MTM1: variants seen among roughly 807,000 people sequenced by gnomAD.
The protein encoded by MTM1 is myotubularin.
Under a neutral mutation model 52.1 loss-of-function variants are expected in MTM1, and 9 were observed. That is an observed-to-expected ratio of 0.17 (90% confidence interval 0.10 to 0.30). The LOEUF (loss-of-function observed/expected upper bound fraction) is 0.30, where lower values mean the gene tolerates loss of function less well. Among genes scored for constraint, MTM1 ranks in the 10% least tolerant of loss-of-function variants. The probability of loss-of-function intolerance (pLI) is 1.00; values close to 1 mark genes in which losing one functional copy is unlikely to be tolerated. For missense variants in MTM1, 277 were observed against 470.7 expected (o/e 0.59, Z 3.81); for synonymous variants, 136 against 163.8 (o/e 0.83, Z 1.29).
chrX:150,587,016 CT>C (rs1253421531), intron 1 of MTM1, among the ~76,000 whole-genome samples: 1 of 110,443 alleles, frequency 9.1e-6, no homozygotes, highest in African/African-American at 3.3e-5. Flanking sequence ...TTACCTGTTC[CT>C]CATGACAGCA....
chrX:150,623,041 C>T, intron 6 of MTM1, among the ~76,000 whole-genome samples: 1 of 111,664 alleles, frequency 9.0e-6, no homozygotes, highest in Non-Finnish European at 1.9e-5. Context: ...TGTACAAAAC[C>T]TTACCTAAAA....
chrX:150,629,259 C>T (rs1176460337), intron 6 of MTM1, among the ~76,000 whole-genome samples: 1 of 111,467 alleles, frequency 9.0e-6, no homozygotes, highest in Non-Finnish European at 1.9e-5. Context: ...AGATGTTCGC[C>T]AGTGGCCATA....
Position 150,649,761 on chromosome X carries a change from G to A in MTM1, c.913G>A (p.Glu305Lys), listed in dbSNP as rs587783861. ...AAGTGATGATGCATATCATAACGCCGAACTTTTCTTCTTAGACATTCATAA... is the reference window on the plus strand; with the variant it reads ...AAGTGATGATGCATATCATAACGCCAAACTTTTCTTCTTAGACATTCATAA... The part of the protein sequence containing the change: ...YESDDAYHNA[E>K]LFFLDIHNIH... The change falls in exon 10 of 15, where the codon GAA becomes AAA. Residue 305 changes from glutamate (E) to lysine (K), a missense_variant. Transcript: ENST00000370396. 9 of 1,210,133 alleles carry A rather than the reference G, an allele frequency of 7.4e-6. No individual in the cohort carries two copies. In the Admixed American group the frequency reaches 8.7e-5, roughly 12 times the overall value.
chrX:150,658,684 C>G (rs1557414553), intron 11 of MTM1, among the ~76,000 whole-genome samples: 1 of 111,323 alleles, frequency 9.0e-6, no homozygotes, highest in Admixed American at 9.6e-5. Flanking sequence ...TCCAGATGCC[C>G]TCTGAATATA....
chrX:150,574,466 C>T (rs1363224185), intron 1 of MTM1, among the ~76,000 whole-genome samples: 9 of 111,748 alleles, frequency 8.1e-5, no homozygotes, highest in Non-Finnish European at 1.3e-4. Context: ...AGCTCATATC[C>T]TGGCTTCCCA....
intron 14 of MTM1, among the ~76,000 whole-genome samples, chrX:150,668,772 G>A (rs1183194816): frequency 9.0e-6 from 1 of 111,581 alleles, no homozygotes; most frequent in East Asian, 2.8e-4. Flanking sequence ...TCAGTGCATT[G>A]TCTTCACAGC....
At chrX:150,610,950 C>T (rs2039264853) in intron 4 of MTM1, among the ~76,000 whole-genome samples, 1 of 112,346 alleles carries the variant, frequency 8.9e-6, no homozygotes, top group Admixed American at 9.4e-5. Context: ...ATACAGTTCA[C>T]AGACACTCAA....
Position 150,592,601 on chromosome X carries a change from G to T in MTM1, c.-10-4G>T, listed in dbSNP as rs782092963. The T allele has an allele frequency of 8.4e-5, 99 of 1,181,796 alleles. No individual in the cohort carries two copies. In the South Asian group the frequency reaches 1.7e-3, roughly 20 times the overall value. On this transcript the variant is annotated splice_region_variant and splice_polypyrimidine_tract_variant and intron_variant, in intron 1 of 14. Transcript: ENST00000370396. ...TTGATATTGAATGTTGTGTTTCTTG[G>T]TAGAGTTTCCAGGATGGCTTCTGCA...
intron 9 of MTM1, among the ~76,000 whole-genome samples, chrX:150,648,697 C>T (rs782381606): frequency 8.9e-6 from 1 of 112,860 alleles, no homozygotes; most frequent in Non-Finnish European, 1.9e-5. Context: ...CACTCTTCAC[C>T]ATGCTGTGAA....
At chrX:150,615,834 C>T (rs782659517) in intron 5 of MTM1, among the ~76,000 whole-genome samples, 2 of 112,065 alleles carry the variant, frequency 1.8e-5, no homozygotes, top group Admixed American at 9.5e-5. Flanking sequence ...TCACCACTAC[C>T]ATCCACCTCA....
intron 1 of MTM1, among the ~76,000 whole-genome samples, chrX:150,576,891 G>A (rs782005386): frequency 1.3e-4 from 15 of 111,846 alleles, no homozygotes; most frequent in Non-Finnish European, 2.8e-4. Context: ...ATTTAGTTGT[G>A]ATATTTTCTA....
At chrX:150,633,303 G>A (rs1397673452) in intron 6 of MTM1, among the ~76,000 whole-genome samples, 1 of 111,913 alleles carries the variant, frequency 8.9e-6, no homozygotes, top group Non-Finnish European at 1.9e-5. Flanking sequence ...AACTGTTTAT[G>A]CAAACAGAAG....
chrX:150,617,880 T>C (rs782398998), intron 5 of MTM1, among the ~76,000 whole-genome samples: 2 of 112,009 alleles, frequency 1.8e-5, no homozygotes, highest in South Asian at 3.7e-4. Flanking sequence ...CTGCAGAGCA[T>C]AGGGTTCCAA....
intron 4 of MTM1, among the ~76,000 whole-genome samples, chrX:150,614,126 T>C (rs782680384): frequency 2.7e-5 from 3 of 112,402 alleles, no homozygotes; most frequent in Non-Finnish European, 3.8e-5. Context: ...TGATGCTTGC[T>C]GAGCCAAGGC....
intron 14 of MTM1, among the ~76,000 whole-genome samples, chrX:150,669,418 G>A (rs1557415086): frequency 9.0e-6 from 1 of 111,709 alleles, no homozygotes; most frequent in Non-Finnish European, 1.9e-5. Flanking sequence ...GGTATGTCTG[G>A]TTCTAGATCC....
intron 1 of MTM1, among the ~76,000 whole-genome samples, chrX:150,573,872 T>C (rs892410242): frequency 1.1e-4 from 12 of 112,264 alleles, no homozygotes; most frequent in African/African-American, 3.2e-4. Context: ...ACATGAAATA[T>C]ACCTGCGTGT....
chrX:150,577,942 C>A (rs1473255693), intron 1 of MTM1, among the ~76,000 whole-genome samples: 4 of 112,095 alleles, frequency 3.6e-5, no homozygotes, highest in Non-Finnish European at 7.5e-5. Flanking sequence ...TTTCCAACCC[C>A]TGGTGTTTAT....
Position 150,614,778 on chromosome X carries a change from GA to G in MTM1, c.342+90del, listed in dbSNP as rs1241215016. 2,320 of 414,933 alleles carry G rather than the reference GA, an allele frequency of 5.6e-3. 1 individual carries two copies. Among genetic ancestry groups the G allele is most frequent in the Admixed American group, 6.8e-3 (161 of 23,749 alleles). The allele number at this position is 414,933 out of a possible 1,213,427, so 34.2% of individuals were successfully genotyped here. On this transcript the variant is annotated intron_variant, in intron 5 of 14. Coordinates refer to ENST00000370396, the MANE Select transcript of MTM1 (RefSeq NM_000252.3). ...GATAGTAGACAATTAATGTGGATTT[GA>G]AAAAAAAAAATCAAAATCTCATGTT...
intron 9 of MTM1, among the ~76,000 whole-genome samples, chrX:150,647,382 G>A (rs1253208936): frequency 2.7e-5 from 3 of 110,149 alleles, no homozygotes; most frequent in Non-Finnish European, 5.7e-5. Flanking sequence ...TTAACACTCA[G>A]GAAACAAGCT....
Sources: gnomAD v4.1 joint callset for allele counts (sites outside exome capture counted in the v4.1 genomes callset) on GRCh38, gnomAD v4.1.1 for gene constraint, MANE v1.5 for transcripts, NCBI Gene and HGNC (gene_info 2026-07-23, HGNC 2026-07-21) for gene names.